Variants in ICA1 observed in about 807,000 individuals in gnomAD.
ICA1 encodes 69 kDa islet cell autoantigen.
ICA1 carries 40 observed loss-of-function variants against 71.0 expected under a neutral mutation model. The observed-to-expected ratio is 0.56, with a 90% CI of 0.44 to 0.73. The LOEUF (loss-of-function observed/expected upper bound fraction) is 0.73, where lower values mean the gene tolerates loss of function less well. ICA1 is among the 30% of genes least tolerant of loss of function. The pLI is 0.00. For synonymous variants in ICA1, 207 were observed against 209.5 expected, an observed-to-expected ratio of 0.99 and a Z score of 0.10; for missense variants, 578 against 576.5, an observed-to-expected ratio of 1.00 and a Z score of -0.03.
In ICA1 at chr7:8,144,850, T is replaced by C. The variant is rs947703726; in HGVS notation, c.805-878A>G. On this transcript the variant is annotated intron_variant, in intron 8 of 13. Transcript: ENST00000402384. The surrounding 1 kb of genome is among the most constrained non-coding windows in gnomAD (Gnocchi z 4.5). ...CTCAGAACTACTAAAATCCAAGTCA[T>C]GAGCCTGGGGCCTTCACCTTGTTTC... Among the ~76,000 whole-genome samples the C allele has an allele frequency of 6.6e-6, 1 of 152,208 alleles. No homozygotes were observed. The highest frequency in any genetic ancestry group is 6.5e-5 in the Admixed American group (1 of 15,280).
At chr7:8,241,898 G>A (rs1422924027) in intron 1 of ICA1, among the ~76,000 whole-genome samples, 1 of 152,120 alleles carries the variant, frequency 6.6e-6, no homozygotes, top group African/African-American at 2.4e-5. Context: ...CAATACAAGA[G>A]CACCCAGATT....
At chr7:8,155,455 C>T (rs980134210) in intron 8 of ICA1, among the ~76,000 whole-genome samples, 1 of 152,172 alleles carries the variant, frequency 6.6e-6, no homozygotes, top group Admixed American at 6.5e-5. Context: ...GCCAGGGATA[C>T]ACATGTGGGT....
At chr7:8,237,550 A>G (rs537521888) in intron 1 of ICA1, among the ~76,000 whole-genome samples, 1 of 152,274 alleles carries the variant, frequency 6.6e-6, no homozygotes, top group Admixed American at 6.5e-5. Flanking sequence ...GAACTTTTTC[A>G]TCTTGCATGA....
At chr7:8,246,212 T>C (rs1486744637) in intron 1 of ICA1, among the ~76,000 whole-genome samples, 1 of 152,188 alleles carries the variant, frequency 6.6e-6, no homozygotes, top group Admixed American at 6.5e-5. Flanking sequence ...CGCCAAGATA[T>C]TGTCACAGTC....
At chr7:8,114,141 A>T (rs1270688712) in intron 13 of ICA1, 97 bp from the exon 14 acceptor site, 1 of 1,327,980 alleles carries the variant, frequency 7.5e-7, no homozygotes, top group African/African-American at 1.4e-5. Flanking sequence ...TCAAATGCAG[A>T]TTGTTCAATC....
chr7:8,165,127 T>C (rs567604646), intron 6 of ICA1, among the ~76,000 whole-genome samples: 3 of 152,168 alleles, frequency 2.0e-5, no homozygotes, highest in African/African-American at 7.2e-5. Flanking sequence ...AGATATTTAT[T>C]TGGCTTCATT....
intron 8 of ICA1, among the ~76,000 whole-genome samples, chr7:8,149,407 C>T (rs116772945): frequency 3.9e-5 from 6 of 152,346 alleles, no homozygotes; most frequent in African/African-American, 1.4e-4. Context: ...TGATTTCCAT[C>T]CATGCTTAAA....
At chr7:8,131,452 T>C (rs888193623) in intron 12 of ICA1, among the ~76,000 whole-genome samples, 1 of 152,224 alleles carries the variant, frequency 6.6e-6, no homozygotes, top group African/African-American at 2.4e-5. Flanking sequence ...GGTGAGGATA[T>C]TGCCTACAGC....
At chr7:8,114,251 G>C (rs1028174397) in intron 13 of ICA1, 5 of 561,780 alleles carry the variant, frequency 8.9e-6, no homozygotes, top group African/African-American at 7.6e-5. Flanking sequence ...CTGAAGCTCC[G>C]AGAATAACAA....
intron 6 of ICA1, among the ~76,000 whole-genome samples, chr7:8,169,926 G>GTGTGTGTGT (rs1341463853): frequency 1.3e-5 from 2 of 151,696 alleles, no homozygotes; most frequent in Admixed American, 6.6e-5. Flanking sequence ...GTGTGTGTGT[G>GTGTGTGTGT]TTTTAATGCC....
At position 8,250,958 on chromosome 7, in the gene ICA1, T is replaced by G. The variant is rs142276371; in HGVS notation, c.-80+11136A>C. Among the ~76,000 whole-genome samples, 1,148 of 130,478 alleles carry G rather than the reference T, an allele frequency of 8.8e-3. 14 individuals are homozygous for G. The highest frequency in any genetic ancestry group is 0.038 in the African/African-American group (1,061 of 27,564). 85.6% of individuals were successfully genotyped at this position (130,478 alleles called of 152,430 possible). A position where few individuals can be genotyped will look rare whatever the true frequency, so the allele number is the denominator to read the frequency against. On this transcript the variant is annotated intron_variant, in intron 1 of 13. Transcript: ENST00000402384. ...CTCAGTTGCCCAGGCTGGAGTGCAATTGTGACATTACAGCTCATGCAGCCT... is the reference window on the plus strand; with the variant it reads ...CTCAGTTGCCCAGGCTGGAGTGCAAGTGTGACATTACAGCTCATGCAGCCT...
Position 8,130,672 on chromosome 7 carries a change from T to C in ICA1, c.1061-2530A>G, listed in dbSNP as rs953040329. Among the ~76,000 whole-genome samples, 1 of 152,218 alleles carries C rather than the reference T, an allele frequency of 6.6e-6. No individual in the cohort carries two copies. The highest frequency in any genetic ancestry group is 1.5e-5 in the Non-Finnish European group (1 of 68,036). ...GTATGTTCCTTCTACAGTCGCTTTA[T>C]ACAGCCCTCCACTAAGTCAAACCCT... On this transcript the variant is annotated intron_variant, in intron 12 of 13. Coordinates refer to ENST00000402384, the MANE Select transcript of ICA1 (RefSeq NM_001136020.3). The surrounding 1 kb of genome is among the most constrained non-coding windows in gnomAD (Gnocchi z 4.2).
intron 6 of ICA1, among the ~76,000 whole-genome samples, chr7:8,190,251 T>C (rs1785157821): frequency 6.6e-6 from 1 of 152,080 alleles, no homozygotes; most frequent in Non-Finnish European, 1.5e-5. Flanking sequence ...ATTAGGAACA[T>C]TTGGAAAGTC....
intron 8 of ICA1, among the ~76,000 whole-genome samples, chr7:8,150,173 T>C (rs1352617036): frequency 6.6e-6 from 1 of 152,214 alleles, no homozygotes; most frequent in Non-Finnish European, 1.5e-5. Context: ...ACTTTGGAGA[T>C]GGATCACATA....
rs1056704857 is a variant in ICA1, at chr7:8,123,290, G to C, written c.1330+4583C>G. On this transcript the variant is annotated intron_variant, in intron 13 of 13. Coordinates refer to ENST00000402384, the MANE Select transcript of ICA1 (RefSeq NM_001136020.3). This position sits in a 1 kb window ranked among gnomAD's most constrained non-coding sequence, Gnocchi z 4.1. ...CTCTCCATTTCCCCAGGGGACTGGG[G>C]ACAGAACGAGGAGAGAGGTGGAAGA... is the stretch of plus-strand genomic sequence containing the variant. Among the ~76,000 whole-genome samples the C allele has an allele frequency of 6.6e-6, 1 of 152,178 alleles. No homozygotes were observed. The highest frequency in any genetic ancestry group is 1.5e-5 in the Non-Finnish European group (1 of 68,044).
chr7:8,215,134 T>G (rs997701281), intron 6 of ICA1, among the ~76,000 whole-genome samples: 1 of 152,100 alleles, frequency 6.6e-6, no homozygotes, highest in Non-Finnish European at 1.5e-5. Flanking sequence ...GCCTCCTGCC[T>G]TCCCTACACC....
At chr7:8,183,935 GA>G (rs1047583169) in intron 6 of ICA1, among the ~76,000 whole-genome samples, 9 of 152,062 alleles carry the variant, frequency 5.9e-5, no homozygotes, top group Admixed American at 5.9e-4. Context: ...CATAGTATTT[GA>G]AAAACACCGC....
At chr7:8,219,441 C>T (rs184137174) in intron 5 of ICA1, among the ~76,000 whole-genome samples, 14 of 152,348 alleles carry the variant, frequency 9.2e-5, no homozygotes, top group African/African-American at 2.2e-4. Flanking sequence ...ATTCCATCAA[C>T]GTCTGCAATG....
At chr7:8,189,517 C>T (rs1784892070) in intron 6 of ICA1, among the ~76,000 whole-genome samples, 1 of 152,182 alleles carries the variant, frequency 6.6e-6, no homozygotes, top group Non-Finnish European at 1.5e-5. Context: ...TGTTGGCTGG[C>T]TATTGGGAAT....
Sources: gnomAD v4.1 joint callset for allele counts (sites outside exome capture counted in the v4.1 genomes callset) on GRCh38, gnomAD v4.1.1 for gene constraint, Gnocchi (gnomAD v3.1) non-coding constraint, MANE v1.5 for transcripts, NCBI Gene and HGNC (gene_info 2026-07-23, HGNC 2026-07-21) for gene names.